Variants in CLDN10 observed in about 807,000 individuals in gnomAD.
The protein encoded by CLDN10 is claudin-10.
CLDN10 carries 15 observed loss-of-function variants against 22.9 expected under a neutral mutation model. The observed-to-expected ratio is 0.65, with a 90% CI of 0.44 to 1.01. The LOEUF (loss-of-function observed/expected upper bound fraction) is 1.01. CLDN10 is among the 50% of genes least tolerant of loss of function. The pLI is 0.00. For missense variants in CLDN10, 247 were observed against 287.8 expected, an observed-to-expected ratio of 0.86 and a Z score of 1.03; for synonymous variants, 114 against 111.4, an observed-to-expected ratio of 1.02 and a Z score of -0.15.
intron 1 of CLDN10, among the ~76,000 whole-genome samples, chr13:95,478,690 G>GCTTCCCC (rs1275307791): frequency 6.6e-6 from 1 of 152,192 alleles, no homozygotes; most frequent in Non-Finnish European, 1.5e-5. Context: ...CTTGTATTCT[G>GCTTCCCC]CTTCCCCCTA....
At chr13:95,433,891 G>C in exon 1 of CLDN10, 1 of 1,614,174 alleles carries the variant, frequency 6.2e-7, no homozygotes, top group African/African-American at 1.3e-5. Context: ...TGGAGCTCTC[G>C]TTGCTGCTAC....
At chr13:95,472,791 C>T (rs2042648570) in intron 1 of CLDN10, among the ~76,000 whole-genome samples, 1 of 152,012 alleles carries the variant, frequency 6.6e-6, no homozygotes, top group African/African-American at 2.4e-5. Context: ...GGATGAGAAA[C>T]CCGGTTCTAT....
chr13:95,529,808 G>T (rs74106194), intron 1 of CLDN10, among the ~76,000 whole-genome samples: 3,413 of 151,880 alleles, frequency 0.022, 120 homozygotes, highest in African/African-American at 0.078. Flanking sequence ...TAGGGTTTAA[G>T]ATTGTTATTT....
rs542249479 is a variant in CLDN10 at position 95,474,816 on chromosome 13, G to C, written c.214+40769G>C. 9.9e-5 allele frequency among the ~76,000 whole-genome samples: 15 copies of C among 152,262 alleles called. 1 individual carries two copies. Among genetic ancestry groups the C allele is most frequent in the Middle Eastern group, 3.4e-3 (1 of 294 alleles). ...CTGCCTTTTGGGAAGCTCATTCCAG[G>C]GGGTAGGGTGGAGGAAGATGGGGGT... On this transcript the variant is annotated intron_variant, in intron 1 of 4. Transcript: ENST00000376873.
intron 1 of CLDN10, among the ~76,000 whole-genome samples, chr13:95,450,185 G>A (rs1313111802): frequency 6.6e-6 from 1 of 152,228 alleles, no homozygotes; most frequent in East Asian, 1.9e-4. Context: ...TTGTGTGTCA[G>A]TTTTCTTATC....
At chr13:95,454,480 A>T (rs1448898247) in intron 1 of CLDN10, among the ~76,000 whole-genome samples, 1 of 152,010 alleles carries the variant, frequency 6.6e-6, no homozygotes, top group Non-Finnish European at 1.5e-5. Flanking sequence ...GAAGGAAAGG[A>T]AGGAAAAGCA....
intron 1 of CLDN10, among the ~76,000 whole-genome samples, chr13:95,472,347 A>G (rs2042641467): frequency 6.6e-6 from 1 of 152,180 alleles, no homozygotes; most frequent in African/African-American, 2.4e-5. Context: ...TAAAAGGCTA[A>G]AAGAAACTCA....
intron 1 of CLDN10, among the ~76,000 whole-genome samples, chr13:95,537,656 A>C (rs2043414584): frequency 6.6e-6 from 1 of 152,208 alleles, no homozygotes; most frequent in South Asian, 2.1e-4. Flanking sequence ...TTAGGGTACC[A>C]CTTCACTCCA....
In CLDN10 at chr13:95,560,729, A is replaced by G. The variant is rs181761058; in HGVS notation, c.464+266A>G. 88 of 379,988 alleles carry G rather than the reference A, an allele frequency of 2.3e-4. No homozygotes were observed. The East Asian group carries it at 4.1e-3, about 18-fold the overall frequency. The allele number at this position is 379,988 out of a possible 1,614,324, so 23.5% of individuals were successfully genotyped here. ...CTATAAACTTCATCGTTTGCTGTAC[A>G]TCATGAAACTGAGGTCAAGTAGAGG... is the stretch of plus-strand genomic sequence containing the variant. On this transcript the variant is annotated intron_variant, in intron 3 of 4. Coordinates refer to ENST00000299339, the MANE Select transcript of CLDN10 (RefSeq NM_006984.5).
Position 95,457,408 on chromosome 13 carries a change from G to A in CLDN10, c.214+23361G>A, listed in dbSNP as rs568676601. Reference sequence around the variant, plus strand: ...CTTTCGTTGAGAAGCCAGGTGTGTAGAAACTCAGGGAGGACCAAAGCAAGG... The same window carrying A: ...CTTTCGTTGAGAAGCCAGGTGTGTAAAAACTCAGGGAGGACCAAAGCAAGG... On this transcript the variant is annotated intron_variant, in intron 1 of 4. Coordinates refer to the CLDN10 transcript ENST00000376873. 2.6e-5 allele frequency among the ~76,000 whole-genome samples: 4 copies of A among 152,140 alleles called. No individual in the cohort carries two copies. In the South Asian group the frequency reaches 6.2e-4, roughly 24 times the overall value.
intron 1 of CLDN10, among the ~76,000 whole-genome samples, chr13:95,537,530 G>A (rs561867288): frequency 1.3e-5 from 2 of 152,292 alleles, no homozygotes; most frequent in South Asian, 4.1e-4. Context: ...TATGAACTAT[G>A]CAAATGGAAG....
chr13:95,521,997 C>A (rs2043228661), intron 1 of CLDN10, among the ~76,000 whole-genome samples: 1 of 152,056 alleles, frequency 6.6e-6, no homozygotes, highest in African/African-American at 2.4e-5. Flanking sequence ...ACTGCAGGAT[C>A]TACACTGATG....
chr13:95,553,076 A>T (rs2043587954), intron 1 of CLDN10, 103 bp downstream of exon 1: 3 of 1,468,512 alleles, frequency 2.0e-6, no homozygotes, highest in Non-Finnish European at 2.7e-6. Context: ...CCTAGACTGG[A>T]CTCCTCTGAG....
At chr13:95,497,101 A>G (rs749286228) in intron 1 of CLDN10, 11 of 150,664 alleles carry the variant, frequency 7.3e-5, no homozygotes, top group Non-Finnish European at 1.3e-4. Context: ...TATACAGGGC[A>G]ATACGGGGCC....
chr13:95,477,585 A>G (rs930882634), intron 1 of CLDN10, among the ~76,000 whole-genome samples: 1 of 152,162 alleles, frequency 6.6e-6, no homozygotes, highest in Non-Finnish European at 1.5e-5. Context: ...GTTTACAGAA[A>G]GGAGAAACAT....
chr13:95,577,130 A>G, intron 3 of CLDN10, 101 bp from the exon 4 acceptor site: 1 of 773,562 alleles, frequency 1.3e-6, no homozygotes, highest in Non-Finnish European at 2.1e-6. Flanking sequence ...TCAATAGCAA[A>G]AAAACATAAT....
intron 1 of CLDN10, among the ~76,000 whole-genome samples, chr13:95,471,440 C>CACACATATAT (rs746573300): frequency 9.6e-6 from 1 of 104,380 alleles, no homozygotes; most frequent in African/African-American, 4.0e-5. Flanking sequence ...CACACACACA[C>CACACATATAT]ATATATATAT....
intron 1 of CLDN10, chr13:95,479,540 G>T (rs2042721686): frequency 6.6e-6 from 1 of 152,078 alleles, no homozygotes; most frequent in Admixed American, 6.5e-5. Flanking sequence ...CTCTGAGATG[G>T]ACATTTAGCA....
chr13:95,539,683 G>A (rs954627382), intron 1 of CLDN10, among the ~76,000 whole-genome samples: 6 of 152,154 alleles, frequency 3.9e-5, no homozygotes, highest in South Asian at 2.1e-4. Context: ...TACCTTTCCA[G>A]AATATTGTCC....
Sources: allele counts gnomAD v4.1 joint callset (sites outside exome capture counted in the v4.1 genomes callset), GRCh38; gene constraint gnomAD v4.1.1; transcripts MANE v1.5; gene names NCBI Gene and HGNC (gene_info 2026-07-23, HGNC 2026-07-21).